The following ZNF264 variants were observed in gnomAD, a reference collection of about 807,000 sequenced individuals.
ZNF264 encodes the protein zinc finger protein 264.
ZNF264 carries 11 observed loss-of-function variants against 11.2 expected under a neutral mutation model. The ratio of observed to expected loss-of-function variants is 0.98; its 90% CI spans 0.62 to 1.63. ZNF264 has a LOEUF of 1.63. Among genes scored for constraint, ZNF264 ranks in the 40% most tolerant of loss-of-function variants. ZNF264 has a pLI of 0.00. For missense variants in ZNF264, 752 were observed against 768.1 expected (o/e 0.98, Z 0.25); for synonymous variants, 309 against 279.8 (o/e 1.10, Z -1.04).
rs1257611232 is a variant in ZNF264 at position 57,200,565 on chromosome 19, C to G, written c.161-4832C>G. On this transcript the variant is annotated intron_variant, in intron 2 of 3. Coordinates refer to ENST00000263095, the MANE Select transcript of ZNF264 (RefSeq NM_003417.5). ...TTGTCTCTTGTGTCTTGTGTCTTGT[C>G]TTGTCTTGTCTTGTCTTGTCTTGTC... is the stretch of plus-strand genomic sequence containing the variant. Among the ~76,000 whole-genome samples, 6 of 70,826 alleles carry G rather than the reference C, an allele frequency of 8.5e-5. 1 individual carries two copies. The highest frequency in any genetic ancestry group is 2.8e-4 in the African/African-American group (5 of 17,868). The allele number at this position is 70,826 out of a possible 152,430, so 46.5% of individuals were successfully genotyped here.
chr19:57,212,324 C>T lies in ZNF264; in HGVS notation c.1227C>T (p.Asn409=). The T allele has an allele frequency of 6.2e-7, 1 of 1,613,252 alleles. No homozygotes were observed. ...FECLECGKAF[N]HRSYLKRHQR... ...GCCTCGAGTGTGGGAAGGCTTTCAA[C>T]CACCGATCCTACCTCAAGAGGCACC... The change falls in exon 4 of 4, where the codon AAC becomes AAT. Residue 409 remains asparagine (N), a synonymous_variant. Coordinates refer to ENST00000263095, the MANE Select transcript of ZNF264 (RefSeq NM_003417.5).
chr19:57,217,971 A>G lies in ZNF264; in HGVS notation c.*4990A>G, dbSNP rs2087392442. 1 of 151,972 alleles carries G rather than the reference A, an allele frequency of 6.6e-6. No homozygotes were observed. The highest frequency in any genetic ancestry group is 6.6e-5 in the Admixed American group (1 of 15,248). 9.4% of individuals were successfully genotyped at this position (151,972 alleles called of 1,614,324 possible). A position where few individuals can be genotyped will look rare whatever the true frequency, so the allele number is the denominator to read the frequency against. On this transcript the variant is annotated 3_prime_UTR_variant, in exon 4 of 4. Transcript: ENST00000263095. ...CACACCCAGCTAATTTTGTATTTTT[A>G]GTAGAGACGGGGTTTCACCATGTTG... is the stretch of plus-strand genomic sequence containing the variant.
chr19:57,195,419 G>A (rs187506417), intron 2 of ZNF264, among the ~76,000 whole-genome samples: 8 of 152,322 alleles, frequency 5.3e-5, no homozygotes, highest in Non-Finnish European at 7.3e-5. Context: ...TCACTTGGTC[G>A]TAGTTGGTAT....
rs1468173916 is a variant in ZNF264 at position 57,213,920 on chromosome 19, C to T, written c.*939C>T. The T allele has an allele frequency of 6.6e-6, 1 of 152,000 alleles. No homozygotes were observed. The highest frequency in any genetic ancestry group is 1.5e-5 in the Non-Finnish European group (1 of 67,990). 9.4% of individuals were successfully genotyped at this position (152,000 alleles called of 1,614,324 possible). The stretch of plus-strand genomic sequence containing the variant: ...TGTTAAAAATTTTCAGCGTATAGAT[C>T]CCTATGCATTTTTGTTAGAATTTGC... On this transcript the variant is annotated 3_prime_UTR_variant, in exon 4 of 4. Coordinates refer to ENST00000263095, the MANE Select transcript of ZNF264 (RefSeq NM_003417.5).
intron 1 of ZNF264, chr19:57,193,405 A>G: frequency 1.6e-6 from 1 of 633,670 alleles, no homozygotes; most frequent in Non-Finnish European, 2.0e-6. Context: ...AGAGAAATGA[A>G]ATGCTGTCTT....
intron 3 of ZNF264, among the ~76,000 whole-genome samples, chr19:57,206,560 G>GGGCAGTTTAAAGATGTT (rs1298517840): frequency 1.3e-5 from 2 of 152,040 alleles, no homozygotes; most frequent in Admixed American, 1.3e-4. Context: ...TTATGTCATT[G>GGGCAGTTTAAAGATGTT]GGCAGTTTAA....
chr19:57,212,246 T>C lies in ZNF264; in HGVS notation c.1149T>C (p.Ser383=). Residue 383 remains serine (S), a synonymous_variant, in exon 4 of 4, where the codon AGT becomes AGC. Coordinates refer to ENST00000263095, the MANE Select transcript of ZNF264 (RefSeq NM_003417.5). ...AATGTGGGAAGGTCTTCTTGGAGAG[T>C]GCAGCCCTGATTCACCACTATGTCA... The part of the protein sequence containing the change: ...CSECGKVFLE[S]AALIHHYVIH... 6.2e-7 allele frequency: 1 copy of C among 1,612,446 alleles called. No individual in the cohort carries two copies. Among genetic ancestry groups the C allele is most frequent in the Non-Finnish European group, 8.5e-7 (1 of 1,179,600 alleles).
At position 57,212,576 on chromosome 19, in the gene ZNF264, C is replaced by A; in HGVS notation, c.1479C>A (p.Thr493=). The A allele has an allele frequency of 6.2e-7, 1 of 1,614,000 alleles. No homozygotes were observed. The highest frequency in any genetic ancestry group is 1.3e-5 in the African/African-American group (1 of 74,976). The change falls in exon 4 of 4, where the codon ACC becomes ACA. Residue 493 remains threonine, a synonymous_variant. Transcript: ENST00000263095. ...GCGTGGAGTGTGGAAAGGCCTTCAC[C>A]CGCATGTCGGGCCTCACGAGGCACA... ...YECVECGKAF[T]RMSGLTRHKR...
In ZNF264 at chr19:57,210,235, T is replaced by G. The variant is rs188032321; in HGVS notation, c.257-1119T>G. ...TTCACAAGCATAGGACTCACTTCAT[T>G]GAGCACCTCTTACTGGAAAACTGAT... On this transcript the variant is annotated intron_variant, in intron 3 of 3. Transcript: ENST00000263095. Among the ~76,000 whole-genome samples the G allele has an allele frequency of 1.1e-4, 17 of 152,246 alleles. No homozygotes were observed. The East Asian group carries it at 2.5e-3, about 23-fold the overall frequency.
rs568614311 is a variant in ZNF264 at position 57,212,850 on chromosome 19, C to T, written c.1753C>T (p.Leu585Phe). 44 of 1,614,190 alleles carry T rather than the reference C, an allele frequency of 2.7e-5. No individual in the cohort carries two copies. The highest frequency in any genetic ancestry group is 1.0e-4 in the Admixed American group (6 of 60,026). The part of the protein sequence containing the change: ...PFTSGQTSVT[L>F]RELLLGKDFL... ...TACAAGTGGACAAACCTCAGTTACC[C>T]TTCGAGAACTTCTTTTAGGGAAGGA... Residue 585 changes from leucine (L) to phenylalanine (F), a missense_variant, in exon 4 of 4, where the codon CTT becomes TTT. By Grantham distance (22) the Leu-to-Phe change is conservative (BLOSUM62 0). Coordinates refer to ENST00000263095, the MANE Select transcript of ZNF264 (RefSeq NM_003417.5).
intron 2 of ZNF264, among the ~76,000 whole-genome samples, chr19:57,204,646 G>T (rs775972483): frequency 6.6e-6 from 1 of 152,074 alleles, no homozygotes; most frequent in Non-Finnish European, 1.5e-5. Context: ...ACCCAGTCTC[G>T]GATATGTCTT....
At chr19:57,210,921 G>C (rs8109205) in intron 3 of ZNF264, among the ~76,000 whole-genome samples, 99,835 of 152,082 alleles carry the variant, frequency 0.66, 33,823 homozygotes, top group African/African-American at 0.81. Context: ...TGACTTCACA[G>C]GAAAAGCGTA....
rs1237661459 is a variant in ZNF264 at position 57,218,064 on chromosome 19, T to G, written c.*5083T>G. On this transcript the variant is annotated 3_prime_UTR_variant, in exon 4 of 4. Coordinates refer to ENST00000263095, the MANE Select transcript of ZNF264 (RefSeq NM_003417.5). ...TTGGCCTGTCGACCTCTTTACCCAT[T>G]CCATTGTTCATTCTTCTTTCTTGAA... The G allele has an allele frequency of 6.6e-6, 1 of 152,122 alleles. No homozygotes were observed. Among genetic ancestry groups the G allele is most frequent in the Non-Finnish European group, 1.5e-5 (1 of 68,062 alleles). The allele number at this position is 152,122 out of a possible 1,614,324, so 9.4% of individuals were successfully genotyped here. A position where few individuals can be genotyped will look rare whatever the true frequency, so the allele number is the denominator to read the frequency against.
chr19:57,214,592 A>G lies in ZNF264; in HGVS notation c.*1611A>G, dbSNP rs768156954. ...GGTCTTGAACTCCTGGGCTCAAGCA[A>G]CCTGCTTGCCTGGGTCTCCCAAAGT... On this transcript the variant is annotated 3_prime_UTR_variant, in exon 4 of 4. Coordinates refer to ENST00000263095, the MANE Select transcript of ZNF264 (RefSeq NM_003417.5). The G allele has an allele frequency of 3.3e-5, 5 of 152,204 alleles. No homozygotes were observed. The highest frequency in any genetic ancestry group is 6.5e-5 in the Admixed American group (1 of 15,278). 9.4% of individuals were successfully genotyped at this position (152,204 alleles called of 1,614,324 possible).
intron 2 of ZNF264, chr19:57,194,970 G>A (rs2087201518): frequency 2.6e-6 from 1 of 386,894 alleles, no homozygotes; most frequent in South Asian, 1.4e-4. Context: ...GGTAACAGCT[G>A]TCAAGTGTCC....
chr19:57,221,771 TC>T lies in ZNF264; in HGVS notation c.*8795del, dbSNP rs1337536764. On this transcript the variant is annotated 3_prime_UTR_variant, in exon 4 of 4. Transcript: ENST00000263095. ...TTCAGCTTTTCAGCTGAAAACGTTATCCCCCTTTCAGCTGGGGGGAAAAAAA... is the reference window on the plus strand; with the variant it reads ...TTCAGCTTTTCAGCTGAAAACGTTATCCCCTTTCAGCTGGGGGGAAAAAAA... 4 of 151,862 alleles carry T rather than the reference TC, an allele frequency of 2.6e-5. No homozygotes were observed. Among genetic ancestry groups the T allele is most frequent in the African/African-American group, 9.7e-5 (4 of 41,320 alleles). The allele number at this position is 151,862 out of a possible 1,614,324, so 9.4% of individuals were successfully genotyped here. A position where few individuals can be genotyped will look rare whatever the true frequency, so the allele number is the denominator to read the frequency against.
intron 1 of ZNF264, chr19:57,193,506 T>A: frequency 1.0e-5 from 10 of 985,438 alleles, no homozygotes; most frequent in Non-Finnish European, 1.1e-5. Flanking sequence ...GCCTTCAACA[T>A]GGGGCAGGCA....
intron 3 of ZNF264, among the ~76,000 whole-genome samples, chr19:57,209,156 G>T (rs2087315637): frequency 6.6e-6 from 1 of 151,680 alleles, no homozygotes; most frequent in Admixed American, 6.6e-5. Context: ...TTCTCCAAAA[G>T]GTCTTAATTT....
In ZNF264 at chr19:57,191,668, A is replaced by C. The variant is rs2087173583; in HGVS notation, c.-246A>C. ...GTGGGTTTGTTCCTGGGTCGCCGTC[A>C]AGCTGCGGTCTCTCCTCCCCCGCCC... On this transcript the variant is annotated 5_prime_UTR_variant, in exon 1 of 4. Coordinates refer to ENST00000263095, the MANE Select transcript of ZNF264 (RefSeq NM_003417.5). The C allele has an allele frequency of 2.5e-6, 1 of 393,034 alleles. No homozygotes were observed. The highest frequency in any genetic ancestry group is 2.1e-5 in the African/African-American group (1 of 48,126). The allele number at this position is 393,034 out of a possible 1,614,324, so 24.3% of individuals were successfully genotyped here.
Sources: gnomAD v4.1 joint callset for allele counts (sites outside exome capture counted in the v4.1 genomes callset) on GRCh38, gnomAD v4.1.1 for gene constraint, MANE v1.5 for transcripts, NCBI Gene and HGNC (gene_info 2026-07-23, HGNC 2026-07-21) for gene names.